The following ZSCAN9 variants were observed in gnomAD, a reference collection of about 807,000 sequenced individuals.
ZSCAN9 encodes the protein zinc finger and SCAN domain-containing protein 9.
ZSCAN9 carries 19 observed loss-of-function variants against 23.0 expected under a neutral mutation model. That is an observed-to-expected ratio of 0.83 (90% CI 0.58 to 1.21). ZSCAN9 has a LOEUF of 1.21. ZSCAN9 is among the 50% of genes most tolerant of loss of function. ZSCAN9 has a pLI of 0.00. For missense variants in ZSCAN9, 467 were observed against 471.5 expected, an observed-to-expected ratio of 0.99 and a Z score of 0.09; for synonymous variants, 155 against 164.8, an observed-to-expected ratio of 0.94 and a Z score of 0.46.
rs1245067622 is a variant in ZSCAN9 at position 28,227,385 on chromosome 6, C to G, written c.301C>G (p.Leu101Val). 2.5e-6 allele frequency: 4 copies of G among 1,614,220 alleles called. No individual in the cohort carries two copies. Among genetic ancestry groups the G allele is most frequent in the Admixed American group, 1.7e-5 (1 of 60,020 alleles). Residue 101 changes from leucine to valine, a missense_variant, in exon 2 of 4, where the codon CTA becomes GTA. Transcript: ENST00000252207. ...ILDLLVLEQF[L>V]SILPKELQGW... ...GGATCTGCTGGTGCTGGAGCAGTTT[C>G]TATCCATTCTGCCCAAGGAGCTCCA...
chr6:28,230,562 G>A, intron 3 of ZSCAN9: 4 of 1,430,134 alleles, frequency 2.8e-6, no homozygotes, highest in Non-Finnish European at 3.7e-6. Context: ...GTCAAAAGAG[G>A]AGGCCTGGGT....
Position 28,233,099 on chromosome 6 carries a change from T to C in ZSCAN9, c.1106T>C (p.Ile369Thr). The C allele has an allele frequency of 1.9e-6, 3 of 1,614,026 alleles. No individual in the cohort carries two copies. Among genetic ancestry groups the C allele is most frequent in the Non-Finnish European group, 2.5e-6 (3 of 1,179,990 alleles). The change falls in exon 4 of 4, where the codon ATT becomes ACT. Residue 369 changes from isoleucine (I) to threonine (T), a missense_variant. Ile to Thr is a moderately conservative substitution (Grantham distance 89). Transcript: ENST00000252207. ...SHTGERPHQCIECGKSFNRHC... is the reference protein window; with the variant it reads ...SHTGERPHQCTECGKSFNRHC... The stretch of plus-strand genomic sequence containing the variant: ...ACAGGGGAGCGACCTCACCAGTGCA[T>C]TGAATGTGGGAAAAGCTTTAATCGA...
rs147864858 is a variant in ZSCAN9, at chr6:28,231,242, A to G, written c.569-1320A>G. On this transcript the variant is annotated intron_variant, in intron 3 of 3. Transcript: ENST00000252207. The stretch of plus-strand genomic sequence containing the variant: ...ACTACTTTTGCACTTTGGGGCCATT[A>G]TTAAGTAAAATAAGGGGTATGTAAA... 9.5e-4 allele frequency among the ~76,000 whole-genome samples: 145 copies of G among 152,334 alleles called. 1 individual carries two copies. Among genetic ancestry groups the G allele is most frequent in the Middle Eastern group, 3.4e-3 (1 of 294 alleles).
chr6:28,226,250 GGC>G (rs1426934883), intron 1 of ZSCAN9, among the ~76,000 whole-genome samples: 2 of 152,160 alleles, frequency 1.3e-5, no homozygotes, highest in East Asian at 3.8e-4. Context: ...GTAGCAGCAG[GGC>G]GGTGTGGAAA....
At position 28,227,391 on chromosome 6, in the gene ZSCAN9, A is replaced by G; in HGVS notation, c.307A>G (p.Ile103Val). ...GCTGGTGCTGGAGCAGTTTCTATCC[A>G]TTCTGCCCAAGGAGCTCCAGGGCTG... ...DLLVLEQFLS[I>V]LPKELQGWVR... The change falls in exon 2 of 4, where the codon ATT becomes GTT. Residue 103 changes from isoleucine to valine, a missense_variant. Coordinates refer to ENST00000252207, the MANE Select transcript of ZSCAN9 (RefSeq NM_006299.5). 1 of 1,614,180 alleles carries G rather than the reference A, an allele frequency of 6.2e-7. No individual in the cohort carries two copies. The highest frequency in any genetic ancestry group is 8.5e-7 in the Non-Finnish European group (1 of 1,180,024).
chr6:28,227,302 T>C lies in ZSCAN9; in HGVS notation c.218T>C (p.Leu73Pro), dbSNP rs1367267283. The change falls in exon 2 of 4, where the codon CTC becomes CCC. Residue 73 changes from leucine (L) to proline (P), a missense_variant. By Grantham distance (98) the Leu-to-Pro change is moderately conservative. Coordinates refer to ENST00000252207, the MANE Select transcript of ZSCAN9 (RefSeq NM_006299.5). ...TPGPREALTR[L>P]QELCYQWLRP... is the part of the protein sequence containing the mutation. ...GGACCAAGGGAGGCTCTTACTCGAC[T>C]CCAGGAACTTTGCTACCAGTGGTTG... 1.2e-6 allele frequency: 2 copies of C among 1,614,190 alleles called. No homozygotes were observed. The highest frequency in any genetic ancestry group is 1.7e-5 in the Admixed American group (1 of 60,026).
In ZSCAN9 at chr6:28,231,801, G is replaced by A. The variant is rs114454334; in HGVS notation, c.569-761G>A. On this transcript the variant is annotated intron_variant, in intron 3 of 3. Transcript: ENST00000252207. ...GTATATTTGAACTGTGATTGACTGT[G>A]GGTAGCTGAAACTTTGTAAAGGCAA... Among the ~76,000 whole-genome samples, 1,405 of 152,210 alleles carry A rather than the reference G, an allele frequency of 9.2e-3. 20 individuals are homozygous for A. The highest frequency in any genetic ancestry group is 0.029 in the African/African-American group (1,184 of 41,500).
At chr6:28,231,799 G>T (rs1760309445) in intron 3 of ZSCAN9, among the ~76,000 whole-genome samples, 1 of 152,094 alleles carries the variant, frequency 6.6e-6, no homozygotes, top group Non-Finnish European at 1.5e-5. Flanking sequence ...GTGATTGACT[G>T]TGGGTAGCTG....
intron 3 of ZSCAN9, among the ~76,000 whole-genome samples, chr6:28,232,336 A>G (rs181342479): frequency 8.3e-4 from 127 of 152,282 alleles, no homozygotes; most frequent in Middle Eastern, 3.4e-3. Flanking sequence ...GGCTCAAAAA[A>G]CAAAACAAAA....
intron 3 of ZSCAN9, among the ~76,000 whole-genome samples, chr6:28,230,874 GAC>G (rs1760280574): frequency 6.6e-6 from 1 of 152,148 alleles, no homozygotes; most frequent in Non-Finnish European, 1.5e-5. Flanking sequence ...GTTGAACAAA[GAC>G]TTAAAGGAAG....
chr6:28,233,335 G>A lies in ZSCAN9; in HGVS notation c.*157G>A, dbSNP rs1233695145. The A allele has an allele frequency of 4.5e-6, 6 of 1,320,824 alleles. No homozygotes were observed. In the African/African-American group the frequency reaches 8.8e-5, roughly 19 times the overall value. 81.8% of individuals were successfully genotyped at this position (1,320,824 alleles called of 1,614,324 possible). ...TTCCTTAAAGGAAAGTTGGGTGTTTGAAGCTACTGTTTTCTCTTTTGTTCA... is the reference window on the plus strand; with the variant it reads ...TTCCTTAAAGGAAAGTTGGGTGTTTAAAGCTACTGTTTTCTCTTTTGTTCA... On this transcript the variant is annotated 3_prime_UTR_variant, in exon 4 of 4. Transcript: ENST00000252207.
chr6:28,229,700 T>G (rs1760231419), intron 3 of ZSCAN9, among the ~76,000 whole-genome samples: 1 of 152,206 alleles, frequency 6.6e-6, no homozygotes, highest in Admixed American at 6.5e-5. Context: ...ATGCTGATTA[T>G]TTAAAAATCC....
chr6:28,227,802 ACT>A lies in ZSCAN9; in HGVS notation c.536_537del (p.Ser179CysfsTer12), dbSNP rs747592978. The A allele has an allele frequency of 2.4e-5, 38 of 1,613,304 alleles. No individual in the cohort carries two copies. The highest frequency in any genetic ancestry group is 3.1e-5 in the Non-Finnish European group (37 of 1,179,828). On this transcript the variant is annotated frameshift_variant, in exon 3 of 4. Transcript: ENST00000252207. LOFTEE classifies it low-confidence loss of function (END_TRUNC). ...CCTAAGGAGCCACAGCTCACATGTGACTCTGCTCAGAAGTGCCATTCTATTGG... is the reference window on the plus strand; with the variant it reads ...CCTAAGGAGCCACAGCTCACATGTGACTGCTCAGAAGTGCCATTCTATTGG...
At position 28,227,113 on chromosome 6, in the gene ZSCAN9, C is replaced by T. The variant is rs1244250510; in HGVS notation, c.29C>T (p.Ser10Phe). The T allele has an allele frequency of 1.2e-6, 2 of 1,614,056 alleles. No homozygotes were observed. The highest frequency in any genetic ancestry group is 3.3e-5 in the Admixed American group (2 of 60,024). Residue 10 changes from serine to phenylalanine, a missense_variant, in exon 2 of 4, where the codon TCC (serine) becomes TTC (phenylalanine). Transcript: ENST00000252207. ...AATACAAACTCAAAGGAGGTTTTAT[C>T]CCTGGGTGTTCAAGTTCCCGAGGCA... MNTNSKEVL[S>F]LGVQVPEAWE...
At chr6:28,232,484 A>C (rs1190438149) in intron 3 of ZSCAN9, 78 bp from the exon 4 acceptor site, 2 of 1,523,940 alleles carry the variant, frequency 1.3e-6, no homozygotes, top group Admixed American at 4.4e-5. Flanking sequence ...TTTCTATGAT[A>C]TATTTTTATA....
rs550165658 is a variant in ZSCAN9 at position 28,227,245 on chromosome 6, A to G, written c.161A>G (p.His54Arg). The G allele has an allele frequency of 1.3e-5, 21 of 1,614,256 alleles. No homozygotes were observed. The highest frequency in any genetic ancestry group is 2.2e-5 in the East Asian group (1 of 44,882). Residue 54 changes from histidine (H) to arginine (R), a missense_variant, in exon 2 of 4, where the codon CAC becomes CGC. His to Arg is a conservative substitution (Grantham distance 29, BLOSUM62 0). Coordinates refer to ENST00000252207, the MANE Select transcript of ZSCAN9 (RefSeq NM_006299.5). ...CTGGCAAGGGAAATCTTCCGAAGGC[A>G]CTTTCGACAGCTGTGCTACCAAGAG... ...NPLAREIFRRHFRQLCYQETP... is the reference protein window; with the variant it reads ...NPLAREIFRRRFRQLCYQETP...
intron 3 of ZSCAN9, 136 bp downstream of exon 3, chr6:28,227,973 G>A (rs1264017832): frequency 9.6e-7 from 1 of 1,041,980 alleles, no homozygotes. Flanking sequence ...TCTTCTGAGA[G>A]CCTAGTGTGC....
chr6:28,232,224 G>C (rs185192890), intron 3 of ZSCAN9, among the ~76,000 whole-genome samples: 81 of 152,288 alleles, frequency 5.3e-4, no homozygotes, highest in Admixed American at 8.5e-4. Context: ...TCAACTACTT[G>C]GGAGACTGAG....
Position 28,233,344 on chromosome 6 carries a change from G to A in ZSCAN9, c.*166G>A. ...GGAAAGTTGGGTGTTTGAAGCTACTGTTTTCTCTTTTGTTCATTTTACCTC... is the reference window on the plus strand; with the variant it reads ...GGAAAGTTGGGTGTTTGAAGCTACTATTTTCTCTTTTGTTCATTTTACCTC... On this transcript the variant is annotated 3_prime_UTR_variant, in exon 4 of 4. Coordinates refer to ENST00000252207, the MANE Select transcript of ZSCAN9 (RefSeq NM_006299.5). 7.9e-7 allele frequency: 1 copy of A among 1,259,514 alleles called. No homozygotes were observed. Among genetic ancestry groups the A allele is most frequent in the Non-Finnish European group, 1.1e-6 (1 of 945,072 alleles). 78.0% of individuals were successfully genotyped at this position (1,259,514 alleles called of 1,614,324 possible). A position where few individuals can be genotyped will look rare whatever the true frequency, so the allele number is the denominator to read the frequency against.
Sources: allele counts gnomAD v4.1 joint callset (sites outside exome capture counted in the v4.1 genomes callset), GRCh38; gene constraint gnomAD v4.1.1; transcripts MANE v1.5; gene names NCBI Gene and HGNC (gene_info 2026-07-23, HGNC 2026-07-21).